The following IPO5 variants were observed in gnomAD, a reference collection of about 807,000 sequenced individuals.
The protein encoded by IPO5 is importin-5.
Under a neutral mutation model 143.3 loss-of-function variants are expected in IPO5, and 18 were observed. The ratio of observed to expected loss-of-function variants is 0.13; its 90% CI spans 0.09 to 0.19. The LOEUF (loss-of-function observed/expected upper bound fraction) is 0.19, where lower values mean the gene tolerates loss of function less well. Ranked by LOEUF, IPO5 falls within the 10% of genes least tolerant of loss-of-function variation. IPO5 has a pLI of 1.00. For synonymous variants in IPO5, 477 were observed against 465.7 expected (o/e 1.02, Z -0.31); for missense variants, 1,013 against 1,336.9 (o/e 0.76, Z 3.78).
rs537527577 is a variant in IPO5 at position 98,014,985 on chromosome 13, C to T, written c.2326-545C>T. Among the ~76,000 whole-genome samples, 3 of 152,130 alleles carry T rather than the reference C, an allele frequency of 2.0e-5. No individual in the cohort carries two copies. In the South Asian group the frequency reaches 6.2e-4, roughly 32 times the overall value. ...TCCTCTTCATTGAGTCACTTCCTTT[C>T]TCATACAGTGTCACTCCCATTTTGC... On this transcript the variant is annotated intron_variant, in intron 22 of 28. Coordinates refer to ENST00000651721, the MANE Select transcript of IPO5 (RefSeq NM_002271.6).
At chr13:97,991,526 G>A (rs923999415) in intron 9 of IPO5, among the ~76,000 whole-genome samples, 2 of 152,148 alleles carry the variant, frequency 1.3e-5, no homozygotes, top group African/African-American at 2.4e-5. Context: ...GAAGTGTTTC[G>A]GATCTCAAAA....
chr13:98,005,986 A>C (rs1456979323), intron 16 of IPO5, 144 bp from the exon 17 acceptor site: 4 of 626,518 alleles, frequency 6.4e-6, no homozygotes, highest in Non-Finnish European at 8.4e-6. Context: ...ATTTCCTCCA[A>C]AACCTACAGT....
intron 3 of IPO5, among the ~76,000 whole-genome samples, chr13:97,971,200 C>T (rs930169806): frequency 1.3e-5 from 2 of 152,118 alleles, no homozygotes; most frequent in East Asian, 1.9e-4. Context: ...TAAGAAAGGG[C>T]GCAAAAGAAA....
At chr13:97,983,952 T>C (rs1272606100) in intron 5 of IPO5, among the ~76,000 whole-genome samples, 1 of 144,400 alleles carries the variant, frequency 6.9e-6, no homozygotes, top group East Asian at 2.0e-4. Flanking sequence ...AAGAACCCTA[T>C]ATAGGGTAAC....
chr13:98,011,483 G>T (rs1232537303), intron 20 of IPO5, among the ~76,000 whole-genome samples: 2 of 151,656 alleles, frequency 1.3e-5, no homozygotes, highest in Non-Finnish European at 2.9e-5. Context: ...GTAGAGACGG[G>T]TTTTCACCAT....
chr13:97,964,072 A>G (rs1885110463), intron 2 of IPO5, among the ~76,000 whole-genome samples: 1 of 151,888 alleles, frequency 6.6e-6, no homozygotes, highest in African/African-American at 2.4e-5. Context: ...TGTTTAAGTT[A>G]TTTGTAGATT....
At chr13:98,016,955 G>T (rs532749278) in intron 25 of IPO5, 104 bp downstream of exon 25, 2 of 835,382 alleles carry the variant, frequency 2.4e-6, no homozygotes, top group Admixed American at 3.0e-5. Flanking sequence ...TCTCAGAAAT[G>T]ATTGTTTCCA....
At chr13:97,981,113 C>T (rs190454031) in intron 4 of IPO5, 10 of 348,960 alleles carry the variant, frequency 2.9e-5, no homozygotes, top group Non-Finnish European at 5.6e-5. Flanking sequence ...CTTCTCTCCT[C>T]GGCTGTGAAT....
At chr13:97,958,010 G>C (rs1884579002) in intron 2 of IPO5, among the ~76,000 whole-genome samples, 1 of 152,016 alleles carries the variant, frequency 6.6e-6, no homozygotes, top group Non-Finnish European at 1.5e-5. Flanking sequence ...AAAAAGTAAA[G>C]AAAGAAACCC....
chr13:97,989,761 G>C (rs1417922895), intron 7 of IPO5, among the ~76,000 whole-genome samples: 2 of 152,146 alleles, frequency 1.3e-5, no homozygotes, highest in African/African-American at 4.8e-5. Context: ...CAGTAATTCA[G>C]ATTAGAGAAT....
chr13:98,018,527 A>G lies in IPO5; in HGVS notation c.2659A>G (p.Ile887Val), dbSNP rs780022192. The G allele has an allele frequency of 5.0e-6, 8 of 1,614,038 alleles. No homozygotes were observed. The Admixed American group carries it at 8.3e-5, about 17-fold the overall frequency. ...GCCAGACAGACAATGGGGATTATGCATCTTTGATGATGTCATAGAACACTG... is the reference window on the plus strand; with the variant it reads ...GCCAGACAGACAATGGGGATTATGCGTCTTTGATGATGTCATAGAACACTG... The part of the protein sequence containing the change: ...PWPDRQWGLC[I>V]FDDVIEHCSP... The change falls in exon 26 of 29, where the codon ATC becomes GTC. Residue 887 changes from isoleucine to valine, a missense_variant. Physicochemically the swap from Ile to Val is conservative, Grantham distance 29 (BLOSUM62 3). This residue lies in a region of IPO5 where 685 missense variants were observed against 994.9 expected (regional missense o/e 0.69). Transcript: ENST00000651721.
chr13:98,003,077 T>C (rs112501225), intron 16 of IPO5, 40 bp downstream of exon 16: 15 of 1,491,024 alleles, frequency 1.0e-5, no homozygotes, highest in Non-Finnish European at 1.3e-5. Flanking sequence ...TGTTTGTAGA[T>C]TAATTTGGGT....
At chr13:97,982,680 C>G in intron 5 of IPO5, 97 bp downstream of exon 5, 1 of 801,514 alleles carries the variant, frequency 1.2e-6, no homozygotes, top group Non-Finnish European at 2.1e-6. Context: ...TGTGATTAAC[C>G]ACATAGACTT....
At chr13:97,995,396 CA>C (rs1888187031) in intron 11 of IPO5, among the ~76,000 whole-genome samples, 1 of 151,866 alleles carries the variant, frequency 6.6e-6, no homozygotes, top group Non-Finnish European at 1.5e-5. Flanking sequence ...GCTCAGCTCC[CA>C]CTTATGAGTT....
rs1450142859 is a variant in IPO5, at chr13:97,955,793, G to C, written c.-113+1595G>C. ...CAGTCAGGATCCCCTCATCCCAAGG[G>C]CCAACTTCTATCCTATACGCCCCAC... On this transcript the variant is annotated intron_variant, in intron 2 of 28. Coordinates refer to ENST00000651721, the MANE Select transcript of IPO5 (RefSeq NM_002271.6). Among the ~76,000 whole-genome samples, 9 of 152,098 alleles carry C rather than the reference G, an allele frequency of 5.9e-5. No individual in the cohort carries two copies. The East Asian group carries it at 1.7e-3, about 29-fold the overall frequency.
intron 16 of IPO5, among the ~76,000 whole-genome samples, chr13:98,005,745 A>T (rs893132958): frequency 7.2e-5 from 11 of 152,128 alleles, no homozygotes; most frequent in African/African-American, 2.7e-4. Flanking sequence ...TTTATGACGT[A>T]GTAAGACAGC....
intron 11 of IPO5, among the ~76,000 whole-genome samples, chr13:97,995,164 ATTCTTTCTTTCT>A (rs1186279205): frequency 6.9e-6 from 1 of 145,270 alleles, no homozygotes. Flanking sequence ...TCTTTCTTTC[ATTCTTTCTTTCT>A]TTGTTTTTTT....
At chr13:97,995,789 C>G (rs1173440231) in intron 11 of IPO5, among the ~76,000 whole-genome samples, 1 of 151,880 alleles carries the variant, frequency 6.6e-6, no homozygotes, top group East Asian at 1.9e-4. Context: ...AATTTGGGGT[C>G]TACTCAAGAC....
chr13:98,014,304 G>T (rs1889944382), intron 22 of IPO5, 90 bp downstream of exon 22: 13 of 914,566 alleles, frequency 1.4e-5, no homozygotes, highest in Non-Finnish European at 2.0e-5. Context: ...TTGAGACAGG[G>T]TATTGCTCTG....
Sources: gnomAD v4.1 joint callset for allele counts (sites outside exome capture counted in the v4.1 genomes callset) on GRCh38, gnomAD v4.1.1 for gene constraint, gnomAD v4.1.1 regional missense constraint, MANE v1.5 for transcripts, NCBI Gene and HGNC (gene_info 2026-07-23, HGNC 2026-07-21) for gene names.